Variants in IGFL4 observed in about 807,000 individuals in gnomAD.
IGFL4 encodes the protein insulin growth factor-like family member 4.
Under a neutral mutation model 15.4 loss-of-function variants are expected in IGFL4, and 12 were observed. That is an observed-to-expected ratio of 0.78 (90% CI 0.50 to 1.26). The LOEUF (loss-of-function observed/expected upper bound fraction) is 1.26, where lower values mean the gene tolerates loss of function less well. Ranked by LOEUF, IGFL4 falls within the 50% of genes most tolerant of loss-of-function variation. The pLI is 0.00. For missense variants in IGFL4, 126 were observed against 147.8 expected, an observed-to-expected ratio of 0.85 and a Z score of 0.76; for synonymous variants, 54 against 55.9, an observed-to-expected ratio of 0.97 and a Z score of 0.16.
chr19:46,049,404 A>G (rs1171336484), intron 2 of IGFL4, among the ~76,000 whole-genome samples: 1 of 152,178 alleles, frequency 6.6e-6, no homozygotes, highest in East Asian at 1.9e-4. Context: ...CTGCCTGGAA[A>G]TAAACTTGGT....
intron 1 of IGFL4, among the ~76,000 whole-genome samples, chr19:46,074,211 T>G (rs1329434016): frequency 6.6e-6 from 1 of 152,016 alleles, no homozygotes; most frequent in South Asian, 2.1e-4. Context: ...ACAGGGCTAC[T>G]TGGGCTTCCT....
At chr19:46,059,085 A>G (rs1322049646) in intron 2 of IGFL4, 1 of 152,214 alleles carries the variant, frequency 6.6e-6, no homozygotes, top group Non-Finnish European at 1.5e-5. Context: ...TTTTGTTGCT[A>G]TCTTGGTTTT....
chr19:46,057,484 A>T (rs900012582), intron 2 of IGFL4, among the ~76,000 whole-genome samples: 18 of 152,284 alleles, frequency 1.2e-4, no homozygotes, highest in Middle Eastern at 6.8e-3. Context: ...GTATAATAAT[A>T]ATTATTATTT....
At chr19:46,069,901 T>C (rs12459973) in intron 1 of IGFL4, among the ~76,000 whole-genome samples, 10,277 of 152,260 alleles carry the variant, frequency 0.067, 570 homozygotes, top group African/African-American at 0.14. Flanking sequence ...TAAACATGAA[T>C]GAACAGGTTC....
At chr19:46,055,660 A>G (rs1306059863) in intron 2 of IGFL4, among the ~76,000 whole-genome samples, 1 of 152,270 alleles carries the variant, frequency 6.6e-6, no homozygotes, top group Non-Finnish European at 1.5e-5. Flanking sequence ...AGAGAGCTTT[A>G]GAGATACTTG....
intron 2 of IGFL4, among the ~76,000 whole-genome samples, chr19:46,051,843 A>G (rs1600672183): frequency 6.6e-6 from 1 of 152,196 alleles, no homozygotes; most frequent in Admixed American, 6.5e-5. Context: ...CTATTCTTAT[A>G]TTAGACAAAA....
chr19:46,074,226 A>G (rs971193629), intron 1 of IGFL4, among the ~76,000 whole-genome samples: 3 of 151,888 alleles, frequency 2.0e-5, no homozygotes, highest in African/African-American at 7.3e-5. Context: ...CTTCCTCCCA[A>G]GAAATCTGTA....
At chr19:46,044,279 CAG>C (rs967753808), upstream of IGFL4, among the ~76,000 whole-genome samples, 2 of 152,186 alleles carry the variant, frequency 1.3e-5, no homozygotes, top group African/African-American at 2.4e-5. Flanking sequence ...GGGGCACTCA[CAG>C]AGACCCAGGA....
At chr19:46,043,202 C>A (rs1969263767), upstream of IGFL4, among the ~76,000 whole-genome samples, 1 of 152,122 alleles carries the variant, frequency 6.6e-6, no homozygotes, top group Non-Finnish European at 1.5e-5. Flanking sequence ...TGCCCCCCTA[C>A]TGAAATTGAA....
chr19:46,057,758 GC>G (rs1969406487), intron 2 of IGFL4: 1 of 152,190 alleles, frequency 6.6e-6, no homozygotes, highest in Non-Finnish European at 1.5e-5. Flanking sequence ...GCAAGGAGGA[GC>G]AAAGCCACAT....
rs5828264 is a variant in IGFL4 at position 46,052,866 on chromosome 19, G to GTTTT, written c.-323+7315_-323+7318dup. ...TCTACAGGTATTTATATGTTATCTC[G>GTTTT]TTTTTTTTTTTTTTTTGGAAATGCT... On this transcript the variant is annotated intron_variant, in intron 2 of 5. Transcript: ENST00000601672. 4.1e-4 allele frequency among the ~76,000 whole-genome samples: 50 copies of GTTTT among 120,546 alleles called. 1 individual carries two copies. The highest frequency in any genetic ancestry group is 1.4e-3 in the African/African-American group (44 of 31,118). The allele number at this position is 120,546 out of a possible 152,430, so 79.1% of individuals were successfully genotyped here.
intron 2 of IGFL4, among the ~76,000 whole-genome samples, chr19:46,046,164 C>G (rs1425957564): frequency 6.6e-6 from 1 of 152,086 alleles, no homozygotes; most frequent in African/African-American, 2.4e-5. Context: ...CCAAACTAAG[C>G]TTCATAAGTG....
chr19:46,051,416 T>C (rs1988422), intron 2 of IGFL4, among the ~76,000 whole-genome samples: 130,972 of 151,994 alleles, frequency 0.86, 56,836 homozygotes, highest in African/African-American at 0.93. Context: ...TGGTGGCAGG[T>C]ACCTGTAAAT....
chr19:46,074,835 A>G (rs1339686012), intron 1 of IGFL4, among the ~76,000 whole-genome samples: 1 of 152,178 alleles, frequency 6.6e-6, no homozygotes, highest in Admixed American at 6.5e-5. Context: ...CTTCAATCCA[A>G]TCGAGTTGAC....
intron 2 of IGFL4, among the ~76,000 whole-genome samples, chr19:46,049,872 A>C (rs945328797): frequency 3.3e-5 from 5 of 152,178 alleles, no homozygotes; most frequent in Non-Finnish European, 7.3e-5. Context: ...AAACCAGTGC[A>C]CTTAACACAC....
intron 2 of IGFL4, among the ~76,000 whole-genome samples, chr19:46,052,866 G>GTTT (rs5828264): frequency 0.018 from 2,136 of 120,516 alleles, 109 homozygotes; most frequent in African/African-American, 0.064. Flanking sequence ...ATGTTATCTC[G>GTTT]TTTTTTTTTT....
chr19:46,041,742 G>C (rs913301966), upstream of IGFL4, among the ~76,000 whole-genome samples: 3 of 151,890 alleles, frequency 2.0e-5, no homozygotes, highest in Non-Finnish European at 2.9e-5. Context: ...AGGGTGGGAG[G>C]GTGAAAGAAG....
chr19:46,076,296 A>G (rs1417150581), intron 1 of IGFL4, among the ~76,000 whole-genome samples: 1 of 152,220 alleles, frequency 6.6e-6, no homozygotes, highest in Non-Finnish European at 1.5e-5. Context: ...CAGTAGGGTC[A>G]TAACCCAATA....
upstream of IGFL4, among the ~76,000 whole-genome samples, chr19:46,042,491 GA>G (rs938639834): frequency 6.6e-6 from 1 of 152,200 alleles, no homozygotes; most frequent in African/African-American, 2.4e-5. Context: ...ACTAAGGAGG[GA>G]AATCCCAAAG....
Sources: allele counts gnomAD v4.1 joint callset (sites outside exome capture counted in the v4.1 genomes callset), GRCh38; gene constraint gnomAD v4.1.1; transcripts MANE v1.5; gene names NCBI Gene and HGNC (gene_info 2026-07-23, HGNC 2026-07-21).